Variants in PPP2R2B observed in about 807,000 individuals in gnomAD.
The protein encoded by PPP2R2B is protein phosphatase 2 regulatory subunit Bbeta.
In PPP2R2B, 5 loss-of-function variants were observed where a neutral mutation model predicts 46.0. That is an observed-to-expected ratio of 0.11 (90% confidence interval 0.06 to 0.23). The LOEUF is 0.23. Ranked by LOEUF, PPP2R2B falls within the 10% of genes least tolerant of loss-of-function variation. The pLI is 1.00. For synonymous variants in PPP2R2B, 215 were observed against 206.7 expected (o/e 1.04, Z -0.34); for missense variants, 367 against 575.0 (o/e 0.64, Z 3.70).
At chr5:146,688,322 G>GA (rs968233297) in intron 5 of PPP2R2B, among the ~76,000 whole-genome samples, 14 of 149,108 alleles carry the variant, frequency 9.4e-5, no homozygotes, top group Admixed American at 1.3e-4. Flanking sequence ...ATGATAGCTT[G>GA]AAAAAAAAAA....
At chr5:147,064,898 G>A (rs1191822582) in intron 2 of PPP2R2B, among the ~76,000 whole-genome samples, 1 of 152,218 alleles carries the variant, frequency 6.6e-6, no homozygotes, top group African/African-American at 2.4e-5. Context: ...AGTTTGGGCA[G>A]TAGAATGAAT....
chr5:146,991,742 A>G (rs1753707287), intron 1 of PPP2R2B, among the ~76,000 whole-genome samples: 1 of 152,138 alleles, frequency 6.6e-6, no homozygotes. Flanking sequence ...TTAATTAATC[A>G]AAGAAGAAAT....
chr5:146,841,906 A>G (rs548608054), intron 2 of PPP2R2B, among the ~76,000 whole-genome samples: 3 of 152,220 alleles, frequency 2.0e-5, no homozygotes, highest in Non-Finnish European at 4.4e-5. Context: ...CGTTCTGCAC[A>G]TGTATCCCAG....
intron 2 of PPP2R2B, among the ~76,000 whole-genome samples, chr5:146,734,350 T>C (rs1752415191): frequency 6.6e-6 from 1 of 152,138 alleles, no homozygotes; most frequent in Non-Finnish European, 1.5e-5. Flanking sequence ...AGCCTGGCCA[T>C]TAGCCATTTT....
At chr5:146,882,357 C>T (rs1368083561), upstream of PPP2R2B, among the ~76,000 whole-genome samples, 1 of 151,666 alleles carries the variant, frequency 6.6e-6, no homozygotes, top group African/African-American at 2.4e-5. Context: ...TAAATTCTAT[C>T]ATCTAATTTT....
chr5:146,775,509 C>T (rs927628988), intron 2 of PPP2R2B, among the ~76,000 whole-genome samples: 10 of 152,058 alleles, frequency 6.6e-5, no homozygotes, highest in African/African-American at 2.4e-4. Flanking sequence ...TGATAAAAGC[C>T]ATGTAGCCCC....
chr5:146,626,216 G>A (rs1418454515), intron 7 of PPP2R2B, among the ~76,000 whole-genome samples: 1 of 149,554 alleles, frequency 6.7e-6, no homozygotes. Flanking sequence ...TCACTGTGGA[G>A]GGGAAAAACG....
chr5:146,846,137 T>C (rs1759990148), intron 2 of PPP2R2B, among the ~76,000 whole-genome samples: 3 of 152,156 alleles, frequency 2.0e-5, no homozygotes, highest in Non-Finnish European at 2.9e-5. Flanking sequence ...CCCAGCACTT[T>C]GGGAGGCTGA....
At chr5:146,652,476 GGTGC>G (rs1277345607) in intron 5 of PPP2R2B, among the ~76,000 whole-genome samples, 2 of 152,088 alleles carry the variant, frequency 1.3e-5, no homozygotes, top group Non-Finnish European at 2.9e-5. Context: ...AAAAGGGCTA[GGTGC>G]GCAAAAGAGA....
chr5:146,805,651 C>A (rs1185927704), intron 2 of PPP2R2B, among the ~76,000 whole-genome samples: 2 of 152,044 alleles, frequency 1.3e-5, no homozygotes, highest in Admixed American at 6.6e-5. Context: ...AGCAGATGAG[C>A]CTGTAGTACA....
chr5:146,954,142 TTTC>T (rs1472215463), intron 1 of PPP2R2B, among the ~76,000 whole-genome samples: 12 of 151,816 alleles, frequency 7.9e-5, no homozygotes, highest in Admixed American at 7.9e-4. Flanking sequence ...TTTTTTTTTT[TTTC>T]AGTTTGGGGA....
intron 2 of PPP2R2B, among the ~76,000 whole-genome samples, chr5:146,861,835 CT>C (rs1221411992): frequency 7.0e-6 from 1 of 143,406 alleles, no homozygotes; most frequent in East Asian, 2.1e-4. Flanking sequence ...CTACCTTTGA[CT>C]TTCTTTAAAA....
intron 2 of PPP2R2B, among the ~76,000 whole-genome samples, chr5:146,814,719 C>G (rs1039564971): frequency 6.6e-6 from 1 of 152,216 alleles, no homozygotes; most frequent in East Asian, 1.9e-4. Flanking sequence ...GTGGTCCCCC[C>G]CAAGTGCTGG....
intron 5 of PPP2R2B, among the ~76,000 whole-genome samples, chr5:146,666,300 G>C (rs879532070): frequency 1.3e-5 from 2 of 152,110 alleles, no homozygotes; most frequent in Non-Finnish European, 2.9e-5. Context: ...GAAAGGTATG[G>C]AAAGACATAC....
intron 2 of PPP2R2B, among the ~76,000 whole-genome samples, chr5:146,747,062 G>T (rs112010037): frequency 6.6e-6 from 1 of 152,134 alleles, no homozygotes; most frequent in Non-Finnish European, 1.5e-5. Context: ...CTACAACAGT[G>T]CTTGTCACCT....
intron 2 of PPP2R2B, among the ~76,000 whole-genome samples, chr5:146,850,132 T>C (rs1760255178): frequency 6.6e-6 from 1 of 152,162 alleles, no homozygotes; most frequent in Admixed American, 6.5e-5. Flanking sequence ...CACAGAGGAA[T>C]TTGAAGAGGT....
At chr5:146,865,127 A>G (rs1312464389) in intron 2 of PPP2R2B, among the ~76,000 whole-genome samples, 1 of 152,236 alleles carries the variant, frequency 6.6e-6, no homozygotes, top group African/African-American at 2.4e-5. Context: ...GAAATAATCT[A>G]AACTTTCATT....
chr5:147,008,650 T>C (rs1754565842), intron 1 of PPP2R2B, among the ~76,000 whole-genome samples: 1 of 152,190 alleles, frequency 6.6e-6, no homozygotes, highest in Non-Finnish European at 1.5e-5. Context: ...TCACCTCTTC[T>C]AAGAGGCCTT....
In PPP2R2B at chr5:146,776,066, T is replaced by C. The variant is rs552833693; in HGVS notation, c.71-74924A>G. The stretch of plus-strand genomic sequence containing the variant: ...TAATGCTGCCCCAATGTGGTATATC[T>C]GTTCAAAGTGACACACAGATTCAAT... On this transcript the variant is annotated intron_variant, in intron 2 of 9. Transcript: ENST00000394411. Among the ~76,000 whole-genome samples the C allele has an allele frequency of 2.0e-5, 3 of 152,258 alleles. No individual in the cohort carries two copies. The East Asian group carries it at 5.8e-4, about 29-fold the overall frequency.
Sources: allele counts gnomAD v4.1 joint callset (sites outside exome capture counted in the v4.1 genomes callset), GRCh38; gene constraint gnomAD v4.1.1; transcripts MANE v1.5; gene names NCBI Gene and HGNC (gene_info 2026-07-23, HGNC 2026-07-21).